ADD2: variants seen among roughly 807,000 people sequenced by gnomAD.
ADD2 encodes the protein beta-adducin.
A neutral mutation model predicts 83.0 loss-of-function variants in ADD2; 23 were observed. The observed-to-expected ratio is 0.28, with a 90% confidence interval of 0.20 to 0.39. The LOEUF (loss-of-function observed/expected upper bound fraction) is 0.39. Among genes scored for constraint, ADD2 ranks in the 10% least tolerant of loss-of-function variants. ADD2 has a pLI of 1.00. For missense variants in ADD2, 758 were observed against 944.9 expected (o/e 0.80, Z 2.59); for synonymous variants, 375 against 375.4 (o/e 1.00, Z 0.01).
chr2:70,678,616 G>T, intron 11 of ADD2, 88 bp downstream of exon 11: 1 of 1,490,980 alleles, frequency 6.7e-7, no homozygotes, highest in Non-Finnish European at 8.9e-7. Context: ...GGCAGGAGAG[G>T]TTTGTTCTGT....
intron 1 of ADD2, among the ~76,000 whole-genome samples, chr2:70,733,276 C>T (rs1280427679): frequency 1.3e-5 from 2 of 152,182 alleles, no homozygotes; most frequent in African/African-American, 4.8e-5. Context: ...GATCCCTCGG[C>T]TGCTTTTTAA....
intron 1 of ADD2, among the ~76,000 whole-genome samples, chr2:70,750,121 T>C (rs1215787632): frequency 6.6e-6 from 1 of 152,170 alleles, no homozygotes; most frequent in Non-Finnish European, 1.5e-5. Flanking sequence ...CCAAATTCTA[T>C]TGGCCATGGA....
intron 1 of ADD2, among the ~76,000 whole-genome samples, chr2:70,767,083 G>A (rs1675422998): frequency 1.3e-5 from 2 of 152,202 alleles, no homozygotes. Context: ...TCCTAAAGCA[G>A]TCTGCCCCTC....
intron 1 of ADD2, among the ~76,000 whole-genome samples, chr2:70,714,204 T>C (rs1672345695): frequency 6.6e-6 from 1 of 152,158 alleles, no homozygotes; most frequent in East Asian, 1.9e-4. Context: ...CATTTTCCAT[T>C]TTCACTTGGA....
At chr2:70,739,068 C>T (rs902594503) in intron 1 of ADD2, among the ~76,000 whole-genome samples, 7 of 152,124 alleles carry the variant, frequency 4.6e-5, no homozygotes, top group African/African-American at 1.7e-4. Context: ...AGAGCTTCTG[C>T]ACAGCCAAAG....
At chr2:70,673,831 A>C (rs1287522881) in intron 14 of ADD2, among the ~76,000 whole-genome samples, 2 of 152,226 alleles carry the variant, frequency 1.3e-5, no homozygotes, top group African/African-American at 4.8e-5. Flanking sequence ...TGCTGACCTC[A>C]GGTGATCCAC....
At chr2:70,667,614 C>T (rs1016350908) in intron 15 of ADD2, among the ~76,000 whole-genome samples, 5 of 152,070 alleles carry the variant, frequency 3.3e-5, no homozygotes, top group Non-Finnish European at 7.3e-5. Context: ...AGGGTGTTTC[C>T]AGAAGAGATT....
At chr2:70,724,465 C>T (rs904833460) in intron 1 of ADD2, among the ~76,000 whole-genome samples, 1 of 152,310 alleles carries the variant, frequency 6.6e-6, no homozygotes. Flanking sequence ...GCAGGTATGT[C>T]TCTGCCCCCG....
chr2:70,673,481 C>G (rs1268183423), intron 14 of ADD2: 2 of 615,852 alleles, frequency 3.2e-6, no homozygotes, highest in Admixed American at 5.8e-5. Context: ...TTGTTTAATT[C>G]ATCAAATTTA....
chr2:70,677,201 C>T (rs531880323), intron 12 of ADD2, among the ~76,000 whole-genome samples: 4 of 152,006 alleles, frequency 2.6e-5, no homozygotes, highest in African/African-American at 9.7e-5. Flanking sequence ...AGGCACCCCC[C>T]ACCATTGAAT....
chr2:70,677,894 T>G lies in ADD2; in HGVS notation c.1384-17A>C. On this transcript the variant is annotated splice_polypyrimidine_tract_variant and intron_variant, in intron 11 of 15. Coordinates refer to ENST00000264436, the MANE Select transcript of ADD2 (RefSeq NM_001617.4). ...CTTCATCCACTGCACAAACACAAGGTCATGGGGCTGAGGTGAGGGAACAGG... is the reference window on the plus strand; with the variant it reads ...CTTCATCCACTGCACAAACACAAGGGCATGGGGCTGAGGTGAGGGAACAGG... 4 of 1,613,990 alleles carry G rather than the reference T, an allele frequency of 2.5e-6. No individual in the cohort carries two copies. Among genetic ancestry groups the G allele is most frequent in the Non-Finnish European group, 2.5e-6 (3 of 1,179,978 alleles).
At chr2:70,667,356 G>A (rs564569623) in intron 15 of ADD2, among the ~76,000 whole-genome samples, 1 of 152,210 alleles carries the variant, frequency 6.6e-6, no homozygotes, top group South Asian at 2.1e-4. Context: ...CCCAGACCCT[G>A]TGGGTTGGGA....
intron 1 of ADD2, among the ~76,000 whole-genome samples, chr2:70,750,295 A>C (rs981486854): frequency 1.3e-5 from 2 of 152,140 alleles, no homozygotes; most frequent in Admixed American, 6.5e-5. Context: ...ATTCTTAGCA[A>C]ATGTTGAAAC....
chr2:70,761,673 C>A (rs553492922), intron 1 of ADD2, among the ~76,000 whole-genome samples: 9 of 146,912 alleles, frequency 6.1e-5, no homozygotes, highest in Non-Finnish European at 1.2e-4. Flanking sequence ...CAAATAGACA[C>A]AACTTTTTTT....
chr2:70,739,194 GA>G (rs1218823527), intron 1 of ADD2, among the ~76,000 whole-genome samples: 1 of 151,814 alleles, frequency 6.6e-6, no homozygotes, highest in Admixed American at 6.6e-5. Context: ...AAATTTACAG[GA>G]AAAAAACCCC....
intron 1 of ADD2, among the ~76,000 whole-genome samples, chr2:70,739,790 T>C (rs1172775251): frequency 1.2e-4 from 19 of 152,248 alleles, no homozygotes; most frequent in Admixed American, 1.2e-3. Context: ...AAATACTGCA[T>C]GTTCTCACTT....
chr2:70,674,283 G>C (rs529856936), intron 14 of ADD2, among the ~76,000 whole-genome samples: 1 of 152,168 alleles, frequency 6.6e-6, no homozygotes, highest in Non-Finnish European at 1.5e-5. Context: ...ATAAAGGAGC[G>C]AGAAAAAGAC....
At chr2:70,725,121 C>T (rs1672921730) in intron 1 of ADD2, among the ~76,000 whole-genome samples, 1 of 152,354 alleles carries the variant, frequency 6.6e-6, no homozygotes, top group South Asian at 2.1e-4. Flanking sequence ...ACCTCAGTTT[C>T]CTCATCTGTA....
rs782412219 is a variant in ADD2 at position 70,706,476 on chromosome 2, T to G, written c.-34-34A>C. ...AAGGGGAGAGGGTATGCGGTCAGGT[T>G]GGTGCTCCCCATCGGGGTACACGTT... On this transcript the variant is annotated intron_variant, in intron 2 of 15. Transcript: ENST00000264436. This position sits in a 1 kb window ranked among gnomAD's most constrained non-coding sequence, Gnocchi z 5.0. The G allele has an allele frequency of 6.5e-7, 1 of 1,531,082 alleles. No individual in the cohort carries two copies. Among genetic ancestry groups the G allele is most frequent in the African/African-American group, 1.4e-5 (1 of 73,060 alleles). 94.8% of individuals were successfully genotyped at this position (1,531,082 alleles called of 1,614,324 possible).
Sources: allele counts gnomAD v4.1 joint callset (sites outside exome capture counted in the v4.1 genomes callset), GRCh38; gene constraint gnomAD v4.1.1; non-coding constraint Gnocchi (gnomAD v3.1); transcripts MANE v1.5; gene names NCBI Gene and HGNC (gene_info 2026-07-23, HGNC 2026-07-21).